Variants in NKAP observed in about 807,000 individuals in gnomAD.
NKAP encodes NF-kappa-B-activating protein.
In NKAP, 4 loss-of-function variants were observed where a neutral mutation model predicts 35.6. The observed-to-expected ratio is 0.11, with a 90% CI of 0.06 to 0.26. The LOEUF (loss-of-function observed/expected upper bound fraction) is 0.26. NKAP is among the 10% of genes least tolerant of loss of function. NKAP has a pLI of 1.00. For synonymous variants in NKAP, 106 were observed against 119.2 expected, an observed-to-expected ratio of 0.89 and a Z score of 0.72; for missense variants, 238 against 321.9, an observed-to-expected ratio of 0.74 and a Z score of 1.99.
rs1398854664 is a variant in NKAP, at chrX:119,922,127, C to A, written c.*3093G>T. ...AAAGTGCTGGGATTATAGGTGTGAG[C>A]CACCACGCCCAGCTGAGAATAAAAT... On this transcript the variant is annotated 3_prime_UTR_variant, in exon 9 of 9. Coordinates refer to ENST00000371410, the MANE Select transcript of NKAP (RefSeq NM_024528.4). 2.7e-5 allele frequency: 3 copies of A among 111,555 alleles called. No homozygotes were observed. Among genetic ancestry groups the A allele is most frequent in the African/African-American group, 9.8e-5 (3 of 30,721 alleles). The allele number at this position is 111,555 out of a possible 1,213,427, so 9.2% of individuals were successfully genotyped here.
chrX:119,935,959 T>G (rs1194442859), intron 4 of NKAP, among the ~76,000 whole-genome samples: 3 of 111,813 alleles, frequency 2.7e-5, no homozygotes, highest in Non-Finnish European at 5.6e-5. Context: ...CCCCCTGACT[T>G]GGTCTGGTGC....
At position 119,932,159 on chromosome X, in the gene NKAP, G is replaced by A. The variant is rs916354761; in HGVS notation, c.795C>T (p.Ser265=). Residue 265 remains serine (S), a synonymous_variant, in exon 6 of 9, where the codon AGC becomes AGT. Coordinates refer to ENST00000371410, the MANE Select transcript of NKAP (RefSeq NM_024528.4). Reference sequence around the variant, plus strand: ...GAAACTCTTCTTGGGATTCTTTAGAGCTTGAATCACTGGACTCTTTTCTGC... The same window carrying A: ...GAAACTCTTCTTGGGATTCTTTAGAACTTGAATCACTGGACTCTTTTCTGC... The part of the protein sequence containing the change: ...KKSRKESSDS[S]SKESQEEFLE... The A allele has an allele frequency of 8.3e-7, 1 of 1,207,687 alleles. No individual in the cohort carries two copies. The highest frequency in any genetic ancestry group is 1.8e-5 in the African/African-American group (1 of 57,121).
At position 119,936,456 on chromosome X, in the gene NKAP, T is replaced by C. The variant is rs754762467; in HGVS notation, c.539-25A>G. The C allele has an allele frequency of 5.5e-5, 60 of 1,083,433 alleles. No individual in the cohort carries two copies. The Admixed American group carries it at 1.5e-3, about 28-fold the overall frequency. The allele number at this position is 1,083,433 out of a possible 1,213,427, so 89.3% of individuals were successfully genotyped here. On this transcript the variant is annotated intron_variant, in intron 3 of 8. Transcript: ENST00000371410. ...TCTAAGAAAGTACAAATTAAAAAATTATATTCTAAAAAACTATTTCTGAAC... is the reference window on the plus strand; with the variant it reads ...TCTAAGAAAGTACAAATTAAAAAATCATATTCTAAAAAACTATTTCTGAAC...
rs779818225 is a variant in NKAP at position 119,936,306 on chromosome X, C to T, written c.664G>A (p.Asp222Asn). 8.3e-7 allele frequency: 1 copy of T among 1,206,058 alleles called. No individual in the cohort carries two copies. The highest frequency in any genetic ancestry group is 1.1e-6 in the Non-Finnish European group (1 of 893,690). Residue 222 changes from aspartate to asparagine, a missense_variant, in exon 4 of 9, where the codon GAC (aspartate) becomes AAC (asparagine). Coordinates refer to ENST00000371410, the MANE Select transcript of NKAP (RefSeq NM_024528.4). ...DSDSDSDSETDSSDEDNKRRA... is the reference protein window; with the variant it reads ...DSDSDSDSETNSSDEDNKRRA... ...CTGTTGGCGTTCTTACCACTGGAGTCTGTTTCAGAATCAGAGTCACTGTCG... is the reference window on the plus strand; with the variant it reads ...CTGTTGGCGTTCTTACCACTGGAGTTTGTTTCAGAATCAGAGTCACTGTCG...
intron 8 of NKAP, among the ~76,000 whole-genome samples, chrX:119,929,488 C>T (rs1326426177): frequency 8.9e-6 from 1 of 112,179 alleles, no homozygotes; most frequent in African/African-American, 3.2e-5. Context: ...ATTCATTTCC[C>T]ATGCTGAATC....
intron 7 of NKAP, 40 bp from the exon 8 acceptor site, chrX:119,930,205 C>A: frequency 2.6e-6 from 3 of 1,133,052 alleles, no homozygotes; most frequent in Non-Finnish European, 3.5e-6. Flanking sequence ...TCCATTAAAT[C>A]ATCTTAATAT....
At chrX:119,928,856 T>C (rs1366564487) in intron 8 of NKAP, among the ~76,000 whole-genome samples, 1 of 107,339 alleles carries the variant, frequency 9.3e-6, no homozygotes, top group Admixed American at 1.0e-4. Flanking sequence ...CCACCACGCC[T>C]GGCTAAAAAA....
At chrX:119,934,650 A>G (rs2056758783) in intron 4 of NKAP, 93 bp from the exon 5 acceptor site, 1 of 553,340 alleles carries the variant, frequency 1.8e-6, no homozygotes, top group Non-Finnish European at 2.8e-6. Flanking sequence ...TTGCTGTCCC[A>G]TTTATTGTTA....
Position 119,943,346 on chromosome X carries a change from G to A in NKAP, c.260C>T (p.Pro87Leu), listed in dbSNP as rs772645255. The change falls in exon 1 of 9, where the codon CCC (proline) becomes CTC (leucine). Residue 87 changes from proline to leucine, a missense_variant. Around this residue, in one of 5 missense-constraint regions of NKAP, gnomAD observed 123 missense variants for 115.3 expected, o/e 1.07. Coordinates refer to ENST00000371410, the MANE Select transcript of NKAP (RefSeq NM_024528.4). ...RSRSRERPSA[P>L]RGIPFASASS... ...GGCAGAAGCGAAGGGGATGCCCCGG[G>A]GCGCAGAGGGCCGCTCTCTAGAACG... 1.2e-5 allele frequency: 14 copies of A among 1,211,126 alleles called. No individual in the cohort carries two copies. The highest frequency in any genetic ancestry group is 1.6e-5 in the Non-Finnish European group (14 of 895,352).
At chrX:119,926,249 C>T (rs2056713205) in intron 8 of NKAP, among the ~76,000 whole-genome samples, 1 of 108,325 alleles carries the variant, frequency 9.2e-6, no homozygotes, top group African/African-American at 3.4e-5. Context: ...AGCCACCGCG[C>T]CTGGCCTATC....
intron 1 of NKAP, 92 bp from the exon 2 acceptor site, chrX:119,938,902 T>C: frequency 3.1e-6 from 2 of 635,318 alleles, no homozygotes; most frequent in African/African-American, 2.2e-5. Flanking sequence ...TTAAGCCTTT[T>C]TTCCCTTTAT....
rs1051803462 is a variant in NKAP at position 119,936,548 on chromosome X, T to C, written c.538+64A>G. 33 of 1,022,371 alleles carry C rather than the reference T, an allele frequency of 3.2e-5. No individual in the cohort carries two copies. In the African/African-American group the frequency reaches 6.5e-4, roughly 20 times the overall value. 84.3% of individuals were successfully genotyped at this position (1,022,371 alleles called of 1,213,427 possible). On this transcript the variant is annotated intron_variant, in intron 3 of 8. Transcript: ENST00000371410. ...GTCTAATGTTCAACTATTTACAAAC[T>C]GATTTTTTTAAATCTCTCAATAAAA...
intron 1 of NKAP, 111 bp from the exon 2 acceptor site, chrX:119,938,921 C>A: frequency 1.8e-6 from 1 of 547,610 alleles, no homozygotes; most frequent in South Asian, 3.4e-5. Flanking sequence ...ATATTTTAAA[C>A]ATGGATAAAA....
chrX:119,936,545 A>C, intron 3 of NKAP, 67 bp downstream of exon 3: 1 of 1,024,143 alleles, frequency 9.8e-7, no homozygotes. Flanking sequence ...ACTATTTACA[A>C]ACTGATTTTT....
chrX:119,933,872 C>T (rs1219600166), intron 5 of NKAP, among the ~76,000 whole-genome samples: 1 of 109,989 alleles, frequency 9.1e-6, no homozygotes, highest in Non-Finnish European at 1.9e-5. Flanking sequence ...ACCCGGGAGG[C>T]GGAGCTTGCA....
Position 119,943,562 on chromosome X carries a change from G to A in NKAP, c.44C>T (p.Ser15Leu), listed in dbSNP as rs1265774277. Residue 15 changes from serine (S) to leucine (L), a missense_variant, in exon 1 of 9, where the codon TCG (serine) becomes TTG (leucine). Coordinates refer to ENST00000371410, the MANE Select transcript of NKAP (RefSeq NM_024528.4). ...ACTGCGACGTCTTCCCCCCGAGCCC[G>A]AGGCCTCCCTATCCGGGCTGCGTGA... ...SGSRSPDREA[S>L]GSGGRRRSSS... 5.8e-6 allele frequency: 7 copies of A among 1,198,674 alleles called. No individual in the cohort carries two copies. The highest frequency in any genetic ancestry group is 5.6e-6 in the Non-Finnish European group (5 of 888,055).
chrX:119,935,094 G>A (rs1205623991), intron 4 of NKAP, among the ~76,000 whole-genome samples: 1 of 111,636 alleles, frequency 9.0e-6, no homozygotes, highest in Admixed American at 9.6e-5. Context: ...TCTAATGGAG[G>A]AGACAGATAG....
chrX:119,929,784 T>C (rs773099340), intron 8 of NKAP, among the ~76,000 whole-genome samples: 7 of 112,252 alleles, frequency 6.2e-5, no homozygotes, highest in East Asian at 5.6e-4. Context: ...ATTAGGAAGA[T>C]TGATTCTTTG....
chrX:119,925,284 T>C lies in NKAP; in HGVS notation c.1184A>G (p.Asn395Ser). The part of the protein sequence containing the change: ...FNQEERRKRE[N>S]KILASFREMV... Reference sequence around the variant, plus strand: ...TTCTCGAAAACTGGCCAGAATCTTGTTCTCTCTCTTTCGTCTCTCTTCTTG... The same window carrying C: ...TTCTCGAAAACTGGCCAGAATCTTGCTCTCTCTCTTTCGTCTCTCTTCTTG... The change falls in exon 9 of 9, where the codon AAC becomes AGC. Residue 395 changes from asparagine (N) to serine (S), a missense_variant. Physicochemically the swap from Asn to Ser is conservative, Grantham distance 46 (BLOSUM62 1). This residue lies in a region of NKAP where 12 missense variants were observed against 20.6 expected (regional missense o/e 0.58). Transcript: ENST00000371410. The C allele has an allele frequency of 8.3e-7, 1 of 1,211,241 alleles. No homozygotes were observed. Among genetic ancestry groups the C allele is most frequent in the Non-Finnish European group, 1.1e-6 (1 of 895,301 alleles).
Sources: gnomAD v4.1 joint callset for allele counts (sites outside exome capture counted in the v4.1 genomes callset) on GRCh38, gnomAD v4.1.1 for gene constraint, gnomAD v4.1.1 regional missense constraint, MANE v1.5 for transcripts, NCBI Gene and HGNC (gene_info 2026-07-23, HGNC 2026-07-21) for gene names.